Variants in NUDT3 observed in about 807,000 individuals in gnomAD.
NUDT3 encodes nudix hydrolase 3.
In NUDT3, 9 loss-of-function variants were observed where a neutral mutation model predicts 23.6. That is an observed-to-expected ratio of 0.38 (90% CI 0.23 to 0.66). The LOEUF (loss-of-function observed/expected upper bound fraction) is 0.66, where lower values mean the gene tolerates loss of function less well. NUDT3 is among the 30% of genes least tolerant of loss of function. The probability of loss-of-function intolerance (pLI) is 0.52; values close to 1 mark genes in which losing one functional copy is unlikely to be tolerated. For synonymous variants in NUDT3, 86 were observed against 82.6 expected (o/e 1.04, Z -0.22); for missense variants, 172 against 218.5 (o/e 0.79, Z 1.34).
intron 1 of NUDT3, among the ~76,000 whole-genome samples, chr6:34,383,191 G>A (rs956181183): frequency 2.0e-5 from 3 of 149,964 alleles, no homozygotes; most frequent in Non-Finnish European, 4.4e-5. Context: ...AAAAGCATAA[G>A]CACTATGTCT....
At chr6:34,345,716 A>C (rs1161726987) in intron 1 of NUDT3, among the ~76,000 whole-genome samples, 3 of 145,962 alleles carry the variant, frequency 2.1e-5, no homozygotes, top group Non-Finnish European at 4.5e-5. Flanking sequence ...TTTTTCCCCC[A>C]GAGTCTACAC....
intron 1 of NUDT3, among the ~76,000 whole-genome samples, chr6:34,350,296 C>G (rs1273064847): frequency 1.3e-5 from 2 of 150,558 alleles, no homozygotes; most frequent in African/African-American, 5.0e-5. Flanking sequence ...CCAATACTGC[C>G]AGAGTGCTCT....
rs751409543 is a variant in NUDT3, at chr6:34,392,366, C to T, written c.-4G>A. 1.9e-6 allele frequency: 3 copies of T among 1,598,888 alleles called. No individual in the cohort carries two copies. Among genetic ancestry groups the T allele is most frequent in the African/African-American group, 1.4e-5 (1 of 72,670 alleles). The stretch of plus-strand genomic sequence containing the variant: ...GGTTCGACTTGAGCTTCATCATCCT[C>T]CGGGCCCGGGTGGGGGTGCGGTGCG... On this transcript the variant is annotated 5_prime_UTR_variant, in exon 1 of 5. Coordinates refer to ENST00000607016, the MANE Select transcript of NUDT3 (RefSeq NM_006703.4).
At chr6:34,325,447 G>C (rs1486416875) in intron 2 of NUDT3, among the ~76,000 whole-genome samples, 2 of 152,212 alleles carry the variant, frequency 1.3e-5, no homozygotes, top group African/African-American at 4.8e-5. Flanking sequence ...CTGGGCTCAA[G>C]TGATCCTCCC....
chr6:34,336,399 C>T (rs958235209), intron 2 of NUDT3, among the ~76,000 whole-genome samples: 1 of 152,146 alleles, frequency 6.6e-6, no homozygotes, highest in Non-Finnish European at 1.5e-5. Context: ...AGTTTATTCA[C>T]ATCATTTGCA....
chr6:34,332,828 T>C (rs1221508968), intron 2 of NUDT3, among the ~76,000 whole-genome samples: 2 of 152,146 alleles, frequency 1.3e-5, no homozygotes, highest in African/African-American at 4.8e-5. Context: ...CTTGTGATAA[T>C]ACTCTTGGGA....
chr6:34,351,198 T>TACAAAAAAAAAAAAAAAAA (rs1764462775), intron 1 of NUDT3, among the ~76,000 whole-genome samples: 1 of 17,894 alleles, frequency 5.6e-5, no homozygotes, highest in East Asian at 1.8e-3. Flanking sequence ...CTCCCCTGCC[T>TACAAAAAAAAAAAAAAAAA]AAAAAAAAAA....
intron 1 of NUDT3, among the ~76,000 whole-genome samples, chr6:34,361,206 A>T (rs1335619958): frequency 6.6e-6 from 1 of 152,190 alleles, no homozygotes. Context: ...TGGGTGACAG[A>T]GTGAGACCCT....
At position 34,392,568 on chromosome 6, in the gene NUDT3, A is replaced by C; in HGVS notation, c.-206T>G. The stretch of plus-strand genomic sequence containing the variant: ...GTCCCGCGCCGCCGCTGCCACCGTC[A>C]CGGCTGCCGTCTCCGCTGCCGCCAG... On this transcript the variant is annotated 5_prime_UTR_variant, in exon 1 of 5. Coordinates refer to ENST00000607016, the MANE Select transcript of NUDT3 (RefSeq NM_006703.4). The C allele has an allele frequency of 2.8e-6, 1 of 355,788 alleles. No homozygotes were observed. The highest frequency in any genetic ancestry group is 5.0e-6 in the Non-Finnish European group (1 of 198,342). 22.0% of individuals were successfully genotyped at this position (355,788 alleles called of 1,614,324 possible). A position where few individuals can be genotyped will look rare whatever the true frequency, so the allele number is the denominator to read the frequency against.
intron 1 of NUDT3, among the ~76,000 whole-genome samples, chr6:34,384,643 T>C (rs1765075423): frequency 1.3e-5 from 2 of 152,204 alleles, no homozygotes; most frequent in Non-Finnish European, 2.9e-5. Flanking sequence ...AATATCATAT[T>C]ACCCAATTTT....
intron 2 of NUDT3, among the ~76,000 whole-genome samples, chr6:34,339,005 T>C (rs979148870): frequency 1.3e-5 from 2 of 152,192 alleles, no homozygotes; most frequent in African/African-American, 4.8e-5. Context: ...TAAAACCACA[T>C]TGCAGAACTG....
intron 2 of NUDT3, among the ~76,000 whole-genome samples, chr6:34,340,823 G>A (rs1378073483): frequency 2.0e-5 from 3 of 152,168 alleles, no homozygotes; most frequent in Non-Finnish European, 4.4e-5. Context: ...CCCTCAGAGA[G>A]AACAATCTAG....
intron 1 of NUDT3, among the ~76,000 whole-genome samples, chr6:34,364,773 CCTGTAATCCCAGCA>C (rs1764701130): frequency 6.6e-6 from 1 of 152,180 alleles, no homozygotes; most frequent in African/African-American, 2.4e-5. Context: ...GTGGCTCACA[CCTGTAATCCCAGCA>C]CTTTGGGAGG....
intron 1 of NUDT3, among the ~76,000 whole-genome samples, chr6:34,357,042 G>C (rs1764572347): frequency 6.6e-6 from 1 of 152,172 alleles, no homozygotes; most frequent in African/African-American, 2.4e-5. Flanking sequence ...CTCCCAAAGT[G>C]CTGGGATTAC....
intron 1 of NUDT3, among the ~76,000 whole-genome samples, chr6:34,388,098 A>C (rs538357233): frequency 1.3e-5 from 2 of 152,284 alleles, no homozygotes; most frequent in East Asian, 3.9e-4. Context: ...TTGCCTATTT[A>C]TTCAGTACAG....
intron 2 of NUDT3, among the ~76,000 whole-genome samples, chr6:34,312,991 AC>A (rs1456284317): frequency 6.6e-6 from 1 of 151,876 alleles, no homozygotes; most frequent in Admixed American, 6.6e-5. Context: ...ACATGGCGAA[AC>A]CCCCTCTCTA....
At chr6:34,332,681 C>A (rs1764146138) in intron 2 of NUDT3, among the ~76,000 whole-genome samples, 1 of 152,122 alleles carries the variant, frequency 6.6e-6, no homozygotes, top group South Asian at 2.1e-4. Context: ...TGCAAATACT[C>A]TGCCACTTTA....
chr6:34,338,469 T>C (rs967942521), intron 2 of NUDT3, among the ~76,000 whole-genome samples: 1 of 152,242 alleles, frequency 6.6e-6, no homozygotes, highest in African/African-American at 2.4e-5. Flanking sequence ...AACTCTGTAT[T>C]CTTGGTGAGA....
At position 34,349,629 on chromosome 6, in the gene NUDT3, G is replaced by A. The variant is rs545479538; in HGVS notation, c.100-7657C>T. On this transcript the variant is annotated intron_variant, in intron 1 of 4. Coordinates refer to ENST00000607016, the MANE Select transcript of NUDT3 (RefSeq NM_006703.4). ...AATGAGACTAACGGAAGGGGAACAT[G>A]GGCATTTGCAAAGCTCTGGCCAGAG... 8.6e-5 allele frequency among the ~76,000 whole-genome samples: 13 copies of A among 150,628 alleles called. No homozygotes were observed. The South Asian group carries it at 2.3e-3, about 27-fold the overall frequency.
Sources: gnomAD v4.1 joint callset for allele counts (sites outside exome capture counted in the v4.1 genomes callset) on GRCh38, gnomAD v4.1.1 for gene constraint, MANE v1.5 for transcripts, NCBI Gene and HGNC (gene_info 2026-07-23, HGNC 2026-07-21) for gene names.